Variants in GMEB1 observed in about 807,000 individuals in gnomAD.
GMEB1 encodes glucocorticoid modulatory element-binding protein 1.
A neutral mutation model predicts 52.4 loss-of-function variants in GMEB1; 6 were observed. The observed-to-expected ratio is 0.11, with a 90% CI of 0.06 to 0.23. The LOEUF (loss-of-function observed/expected upper bound fraction) is 0.23. GMEB1 is among the 10% of genes least tolerant of loss of function. The pLI is 1.00. For synonymous variants in GMEB1, 255 were observed against 244.9 expected, an observed-to-expected ratio of 1.04 and a Z score of -0.38; for missense variants, 486 against 685.6, an observed-to-expected ratio of 0.71 and a Z score of 3.25.
intron 5 of GMEB1, among the ~76,000 whole-genome samples, chr1:28,695,894 C>T (rs1400151962): frequency 1.3e-3 from 159 of 118,250 alleles, no homozygotes; most frequent in Non-Finnish European, 2.0e-3. Flanking sequence ...AGCCGAGATC[C>T]CGCCACTGCA....
In GMEB1 at chr1:28,714,856, C is replaced by A; in HGVS notation, c.*83C>A. On this transcript the variant is annotated 3_prime_UTR_variant, in exon 10 of 10. Coordinates refer to ENST00000373816, the MANE Select transcript of GMEB1 (RefSeq NM_001319674.2). The stretch of plus-strand genomic sequence containing the variant: ...TTTTTATCATTGTCCCACTCATTTC[C>A]ACATAGGACCCTTTTTTAAAAAAAA... The A allele has an allele frequency of 1.1e-6, 1 of 908,862 alleles. No individual in the cohort carries two copies. The highest frequency in any genetic ancestry group is 1.7e-6 in the Non-Finnish European group (1 of 602,084). The allele number at this position is 908,862 out of a possible 1,614,324, so 56.3% of individuals were successfully genotyped here. A position where few individuals can be genotyped will look rare whatever the true frequency, so the allele number is the denominator to read the frequency against.
intron 6 of GMEB1, among the ~76,000 whole-genome samples, chr1:28,699,554 C>T (rs1016738973): frequency 3.3e-5 from 5 of 151,898 alleles, no homozygotes; most frequent in African/African-American, 1.2e-4. Flanking sequence ...CTCAGCCTCC[C>T]GTGTAGTGAG....
chr1:28,687,178 A>C (rs1669684004), intron 2 of GMEB1, among the ~76,000 whole-genome samples: 1 of 151,748 alleles, frequency 6.6e-6, no homozygotes, highest in African/African-American at 2.4e-5. Flanking sequence ...TCTATAAAAA[A>C]ATAGAAAAAT....
At chr1:28,676,453 C>T (rs1669153283) in intron 1 of GMEB1, among the ~76,000 whole-genome samples, 2 of 152,136 alleles carry the variant, frequency 1.3e-5, no homozygotes, top group Admixed American at 6.6e-5. Flanking sequence ...ATTGGCCAGG[C>T]GTGGTGGCTC....
Position 28,690,199 on chromosome 1 carries a change from T to TTG in GMEB1, c.211+17_211+18dup, listed in dbSNP as rs760114088. 2.3e-5 allele frequency: 27 copies of TTG among 1,183,472 alleles called. No homozygotes were observed. The highest frequency in any genetic ancestry group is 8.1e-5 in the South Asian group (6 of 73,632). 73.3% of individuals were successfully genotyped at this position (1,183,472 alleles called of 1,614,324 possible). A position where few individuals can be genotyped will look rare whatever the true frequency, so the allele number is the denominator to read the frequency against. On this transcript the variant is annotated intron_variant, in intron 3 of 9. Coordinates refer to ENST00000373816, the MANE Select transcript of GMEB1 (RefSeq NM_001319674.2). ...GAAGAAGGGATTGGTAAGGGTTTTT[T>TTG]TGTGTTTTTTTTTTTTTTTTTTTTT...
In GMEB1 at chr1:28,715,136, C is replaced by T. The variant is rs1353589008; in HGVS notation, c.*363C>T. On this transcript the variant is annotated 3_prime_UTR_variant, in exon 10 of 10. Transcript: ENST00000373816. Reference sequence around the variant, plus strand: ...TTCTTGTAAAGATGCATTGACCAAACTCTGGAACACAGATCTGACACTGGA... The same window carrying T: ...TTCTTGTAAAGATGCATTGACCAAATTCTGGAACACAGATCTGACACTGGA... 5.0e-6 allele frequency: 1 copy of T among 200,364 alleles called. No homozygotes were observed. Among genetic ancestry groups the T allele is most frequent in the Non-Finnish European group, 1.0e-5 (1 of 96,456 alleles). The allele number at this position is 200,364 out of a possible 1,614,324, so 12.4% of individuals were successfully genotyped here.
intron 1 of GMEB1, among the ~76,000 whole-genome samples, chr1:28,669,276 C>T (rs921375026): frequency 6.6e-6 from 1 of 151,814 alleles, no homozygotes; most frequent in Non-Finnish European, 1.5e-5. Context: ...ATCGAGGGGT[C>T]CGGGGAGCCT....
intron 1 of GMEB1, among the ~76,000 whole-genome samples, chr1:28,683,064 A>G (rs1290424185): frequency 1.3e-5 from 2 of 152,120 alleles, no homozygotes; most frequent in African/African-American, 4.8e-5. Flanking sequence ...CGTACTAAGA[A>G]AACCTATACT....
chr1:28,704,079 C>A, intron 7 of GMEB1, 113 bp from the exon 8 acceptor site: 1 of 1,005,186 alleles, frequency 9.9e-7, no homozygotes, highest in Non-Finnish European at 1.4e-6. Context: ...AGGAATGGCC[C>A]AATAAGAAAT....
chr1:28,687,387 C>CACACACACAAAA (rs1553136455), intron 2 of GMEB1, among the ~76,000 whole-genome samples: 2 of 41,118 alleles, frequency 4.9e-5, no homozygotes, highest in African/African-American at 1.9e-4. Context: ...CACACACACA[C>CACACACACAAAA]AAAAAAAGAC....
At chr1:28,695,800 G>A (rs1446115994) in intron 5 of GMEB1, among the ~76,000 whole-genome samples, 2 of 144,184 alleles carry the variant, frequency 1.4e-5, no homozygotes, top group African/African-American at 2.5e-5. Flanking sequence ...TTAGCCGGGC[G>A]TAGTGGCGGG....
chr1:28,678,762 CT>C (rs1361174884), intron 1 of GMEB1, among the ~76,000 whole-genome samples: 1 of 151,608 alleles, frequency 6.6e-6, no homozygotes, highest in African/African-American at 2.4e-5. Context: ...AATTTTTGTA[CT>C]TTTAGTAGAG....
Position 28,715,779 on chromosome 1 carries a change from G to A in GMEB1, c.*1006G>A, listed in dbSNP as rs1421755821. On this transcript the variant is annotated 3_prime_UTR_variant, in exon 10 of 10. Transcript: ENST00000373816. Reference sequence around the variant, plus strand: ...TCTCCACAGAGCAAGTGGCAGCAGTGGCCTGTGGTTTTGCAGAAATGGAAA... The same window carrying A: ...TCTCCACAGAGCAAGTGGCAGCAGTAGCCTGTGGTTTTGCAGAAATGGAAA... The A allele has an allele frequency of 6.6e-6, 1 of 151,792 alleles. No homozygotes were observed. The highest frequency in any genetic ancestry group is 1.5e-5 in the Non-Finnish European group (1 of 68,080). The allele number at this position is 151,792 out of a possible 1,614,324, so 9.4% of individuals were successfully genotyped here.
intron 8 of GMEB1, among the ~76,000 whole-genome samples, chr1:28,707,036 G>T (rs1237275387): frequency 1.5e-5 from 2 of 132,148 alleles, no homozygotes; most frequent in Admixed American, 8.7e-5. Flanking sequence ...AGGCTGGAGT[G>T]CAGTGATGCG....
chr1:28,683,550 G>C (rs142434206), intron 1 of GMEB1, 33 bp from the exon 2 acceptor site: 2 of 1,538,294 alleles, frequency 1.3e-6, no homozygotes, highest in African/African-American at 1.4e-5. Flanking sequence ...TTTTAAACCA[G>C]ATTAAGTTAT....
chr1:28,712,995 C>CAA (rs35776002), intron 9 of GMEB1, among the ~76,000 whole-genome samples: 21,438 of 147,096 alleles, frequency 0.15, 1,883 homozygotes, highest in Non-Finnish European at 0.19. Context: ...TACTAAAATA[C>CAA]AAAAAAAAAA....
In GMEB1 at chr1:28,717,529, C is replaced by T. The variant is rs1671307160; in HGVS notation, c.*2756C>T. On this transcript the variant is annotated 3_prime_UTR_variant, in exon 10 of 10. Transcript: ENST00000373816. ...AAGAATGAGATTTATGAACTCCATA[C>T]AGTTGTAGATTTCAGTTTTTAAATA... 1 of 152,196 alleles carries T rather than the reference C, an allele frequency of 6.6e-6. No homozygotes were observed. Among genetic ancestry groups the T allele is most frequent in the Non-Finnish European group, 1.5e-5 (1 of 68,038 alleles). 9.4% of individuals were successfully genotyped at this position (152,196 alleles called of 1,614,324 possible). A position where few individuals can be genotyped will look rare whatever the true frequency, so the allele number is the denominator to read the frequency against.
intron 1 of GMEB1, among the ~76,000 whole-genome samples, chr1:28,678,943 G>A (rs1312358827): frequency 1.3e-5 from 2 of 151,838 alleles, no homozygotes; most frequent in African/African-American, 4.8e-5. Context: ...ACGGAGTCTC[G>A]CTCTGTCGCC....
intron 1 of GMEB1, among the ~76,000 whole-genome samples, chr1:28,672,151 T>C (rs1668914520): frequency 6.6e-6 from 1 of 151,448 alleles, no homozygotes. Context: ...GTTAGAAAAT[T>C]TCAGAAAATC....
Sources: allele counts gnomAD v4.1 joint callset (sites outside exome capture counted in the v4.1 genomes callset), GRCh38; gene constraint gnomAD v4.1.1; transcripts MANE v1.5; gene names NCBI Gene and HGNC (gene_info 2026-07-23, HGNC 2026-07-21).